RECQL5: variants seen among roughly 807,000 people sequenced by gnomAD.
The protein encoded by RECQL5 is ATP-dependent DNA helicase Q5.
A neutral mutation model predicts 103.4 loss-of-function variants in RECQL5; 88 were observed. That is an observed-to-expected ratio of 0.85 (90% CI 0.72 to 1.02). The LOEUF (loss-of-function observed/expected upper bound fraction) is 1.02, where lower values mean the gene tolerates loss of function less well. Among genes scored for constraint, RECQL5 ranks in the 50% least tolerant of loss-of-function variants. RECQL5 has a pLI of 0.00. For synonymous variants in RECQL5, 552 were observed against 507.9 expected (o/e 1.09, Z -1.17); for missense variants, 1,232 against 1,284.3 (o/e 0.96, Z 0.62).
intron 18 of RECQL5, 30 bp downstream of exon 18, chr17:75,628,188 G>GA (rs1393745952): frequency 5.1e-6 from 8 of 1,579,586 alleles, no homozygotes; most frequent in African/African-American, 1.3e-5. Context: ...CCAGGCATGG[G>GA]AGAAGGCAGA....
At chr17:75,659,323 G>C (rs1157410613) in intron 6 of RECQL5, among the ~76,000 whole-genome samples, 2 of 152,154 alleles carry the variant, frequency 1.3e-5, no homozygotes, top group Non-Finnish European at 2.9e-5. Flanking sequence ...GCCTCCCAAA[G>C]TGCTAGGATT....
intron 13 of RECQL5, 169 bp from the exon 14 acceptor site, chr17:75,630,446 C>A (rs1008088893): frequency 5.7e-6 from 5 of 875,708 alleles, no homozygotes; most frequent in Non-Finnish European, 7.1e-6. Context: ...GCTGGTAGCA[C>A]CTAAGTTGTA....
intron 8 of RECQL5, chr17:75,639,918 C>T (rs117850636): frequency 0.013 from 4,614 of 354,410 alleles, 70 homozygotes; most frequent in Non-Finnish European, 0.014. Flanking sequence ...CACCAGCCGC[C>T]GCCTTGGCCG....
intron 7 of RECQL5, among the ~76,000 whole-genome samples, chr17:75,652,142 A>G (rs2059563662): frequency 6.6e-6 from 1 of 152,080 alleles, no homozygotes; most frequent in Non-Finnish European, 1.5e-5. Flanking sequence ...CAGGAGAATC[A>G]CTTGAACCCG....
At chr17:75,650,225 A>G (rs2059537785) in intron 8 of RECQL5, 2 of 990,208 alleles carry the variant, frequency 2.0e-6, no homozygotes, top group South Asian at 9.3e-5. Flanking sequence ...GCAGCCGACC[A>G]CTTTTGCTGG....
intron 7 of RECQL5, among the ~76,000 whole-genome samples, 180 bp downstream of exon 7, chr17:75,658,118 T>C (rs1034082909): frequency 6.6e-6 from 1 of 152,110 alleles, no homozygotes; most frequent in Non-Finnish European, 1.5e-5. Flanking sequence ...AAAGAAAAAG[T>C]CTAACCTAGC....
At chr17:75,647,548 G>C in intron 8 of RECQL5, 2 of 1,550,236 alleles carry the variant, frequency 1.3e-6, no homozygotes, top group South Asian at 2.4e-5. Context: ...TCAGTGTGAA[G>C]CGGGTGAAGA....
At chr17:75,632,326 C>T (rs2059233617) in intron 8 of RECQL5, among the ~76,000 whole-genome samples, 1 of 152,258 alleles carries the variant, frequency 6.6e-6, no homozygotes, top group Admixed American at 6.5e-5. Context: ...AGCTGTAGCG[C>T]ATGGCCTGGG....
chr17:75,651,682 T>C (rs1331226419), intron 7 of RECQL5, among the ~76,000 whole-genome samples: 1 of 152,224 alleles, frequency 6.6e-6, no homozygotes, highest in Non-Finnish European at 1.5e-5. Flanking sequence ...AACCTGACTA[T>C]GTATCATAAC....
At position 75,666,512 on chromosome 17, in the gene RECQL5, C is replaced by A; in HGVS notation, c.46G>T (p.Val16Phe). ...TTFPFDPERR[V>F]RSTLKKVFGF... is the part of the protein sequence containing the mutation. ...AAGACCTTCTTCAGCGTACTCCGGA[C>A]TCGCCGCTCAGGGTCAAAAGGAAAG... The change falls in exon 2 of 20, where the codon GTC becomes TTC. Residue 16 changes from valine (V) to phenylalanine (F), a missense_variant. Transcript: ENST00000317905. The A allele has an allele frequency of 6.2e-7, 1 of 1,614,162 alleles. No homozygotes were observed. Among genetic ancestry groups the A allele is most frequent in the Admixed American group, 1.7e-5 (1 of 60,028 alleles).
chr17:75,661,742 A>G, intron 4 of RECQL5, 34 bp from the exon 5 acceptor site: 1 of 1,515,268 alleles, frequency 6.6e-7, no homozygotes, highest in Non-Finnish European at 9.2e-7. Context: ...AAATAAGCAT[A>G]GCAAGAACAG....
intron 8 of RECQL5, among the ~76,000 whole-genome samples, chr17:75,644,395 C>T (rs1049768869): frequency 1.3e-5 from 2 of 151,948 alleles, no homozygotes; most frequent in Admixed American, 6.6e-5. Context: ...TCCTTGAGCT[C>T]GGGAGTTTGA....
chr17:75,660,963 G>T lies in RECQL5; in HGVS notation c.978C>A (p.Ala326=). 1 of 1,611,568 alleles carries T rather than the reference G, an allele frequency of 6.2e-7. No individual in the cohort carries two copies. Among genetic ancestry groups the T allele is most frequent in the East Asian group, 2.2e-5 (1 of 44,878 alleles). Residue 326 remains alanine, a synonymous_variant, in exon 6 of 20, where the codon GCC becomes GCA. Transcript: ENST00000317905. ...CAAGAACCAAAGCTCACCTGACATT[G>T]GCTTTATCCACTCCCATCCCAAAAC... ...TISFGMGVDK[A]NVRFVAHWNI... is the part of the protein sequence containing the mutation.
chr17:75,661,045 G>C lies in RECQL5; in HGVS notation c.896C>G (p.Thr299Arg). ...YHAGLKASER[T>R]LVQNDWMEEK... ...CTCCATCCAGTCGTTCTGCACCAGC[G>C]TTCTTTCAGAGGCCTTCAGCCCTGT... The change falls in exon 6 of 20, where the codon ACG becomes AGG. Residue 299 changes from threonine (T) to arginine (R), a missense_variant. Coordinates refer to ENST00000317905, the MANE Select transcript of RECQL5 (RefSeq NM_004259.7). 1.2e-6 allele frequency: 2 copies of C among 1,614,118 alleles called. No homozygotes were observed. The highest frequency in any genetic ancestry group is 1.6e-4 in the Middle Eastern group (1 of 6,062).
chr17:75,633,297 G>A lies in RECQL5; in HGVS notation c.1230-1629C>T. 4 of 505,126 alleles carry A rather than the reference G, an allele frequency of 7.9e-6. No homozygotes were observed. In the South Asian group the frequency reaches 7.9e-5, roughly 10 times the overall value. The allele number at this position is 505,126 out of a possible 1,614,324, so 31.3% of individuals were successfully genotyped here. A position where few individuals can be genotyped will look rare whatever the true frequency, so the allele number is the denominator to read the frequency against. On this transcript the variant is annotated intron_variant, in intron 8 of 19. Transcript: ENST00000317905. ...GGGGTTTTGTGCTCGGACTCAAAGAGCTCCATTGACAGCGGGGCTGGGGTC... is the reference window on the plus strand; with the variant it reads ...GGGGTTTTGTGCTCGGACTCAAAGAACTCCATTGACAGCGGGGCTGGGGTC...
intron 8 of RECQL5, among the ~76,000 whole-genome samples, chr17:75,645,882 G>C (rs1224801025): frequency 6.6e-6 from 1 of 152,124 alleles, no homozygotes; most frequent in East Asian, 1.9e-4. Flanking sequence ...AAAGCTCCTA[G>C]ATCTTTACCA....
intron 8 of RECQL5, chr17:75,647,229 C>A: frequency 1.5e-6 from 1 of 648,096 alleles, no homozygotes; most frequent in Non-Finnish European, 2.6e-6. Flanking sequence ...AGACTCTAGC[C>A]CTTTCATGTC....
chr17:75,665,325 A>G (rs2059754006), intron 2 of RECQL5, among the ~76,000 whole-genome samples, 153 bp from the exon 3 acceptor site: 1 of 152,188 alleles, frequency 6.6e-6, no homozygotes, highest in Non-Finnish European at 1.5e-5. Flanking sequence ...TGTCCTTTCT[A>G]TGAAAAAGGC....
rs766206808 is a variant in RECQL5 at position 75,628,243 on chromosome 17, T to C, written c.2780A>G (p.Tyr927Cys). 1.6e-5 allele frequency: 26 copies of C among 1,613,920 alleles called. No homozygotes were observed. The highest frequency in any genetic ancestry group is 4.0e-5 in the African/African-American group (3 of 74,880). ...CTTGGAAGCAAACTTGCCCTCCTTG[T>C]AGAAAGGGGTGAGGCACTTGACCAC... is the stretch of plus-strand genomic sequence containing the variant. Reference protein sequence around the residue: ...NVVVKCLTPFYKEGKFASKEL... With the variant: ...NVVVKCLTPFCKEGKFASKEL... The change falls in exon 18 of 20, where the codon TAC becomes TGC. Residue 927 changes from tyrosine to cysteine, a missense_variant. Transcript: ENST00000317905.
Sources: allele counts gnomAD v4.1 joint callset (sites outside exome capture counted in the v4.1 genomes callset), GRCh38; gene constraint gnomAD v4.1.1; transcripts MANE v1.5; gene names NCBI Gene and HGNC (gene_info 2026-07-23, HGNC 2026-07-21).